Variants in CDH8 observed in about 807,000 individuals in gnomAD.
CDH8 encodes cadherin 8.
Under a neutral mutation model 68.1 loss-of-function variants are expected in CDH8, and 17 were observed. The ratio of observed to expected loss-of-function variants is 0.25; its 90% CI spans 0.17 to 0.37. The LOEUF (loss-of-function observed/expected upper bound fraction) is 0.37, where lower values mean the gene tolerates loss of function less well. Ranked by LOEUF, CDH8 falls within the 10% of genes least tolerant of loss-of-function variation. The pLI, the probability that CDH8 is intolerant of heterozygous loss-of-function variation, is 1.00. For synonymous variants in CDH8, 372 were observed against 365.1 expected, an observed-to-expected ratio of 1.02 and a Z score of -0.21; for missense variants, 763 against 999.3, an observed-to-expected ratio of 0.76 and a Z score of 3.19.
intron 3 of CDH8, among the ~76,000 whole-genome samples, chr16:61,857,596 C>T (rs1395485788): frequency 2.6e-5 from 4 of 152,102 alleles, no homozygotes; most frequent in African/African-American, 7.2e-5. Flanking sequence ...TACCATGTCA[C>T]ATTTACGTCT....
chr16:61,892,404 C>G (rs1178742119), intron 3 of CDH8, among the ~76,000 whole-genome samples: 2 of 152,042 alleles, frequency 1.3e-5, no homozygotes, highest in African/African-American at 4.8e-5. Context: ...ATGTCTAAAT[C>G]TCCCAAAGAG....
At chr16:61,816,096 C>T (rs564718880) in intron 7 of CDH8, among the ~76,000 whole-genome samples, 94 of 151,988 alleles carry the variant, frequency 6.2e-4, no homozygotes, top group Non-Finnish European at 1.0e-3. Flanking sequence ...GGCCAATGGA[C>T]CATTTCTCAA....
At chr16:61,669,421 T>C (rs944227936) in intron 10 of CDH8, among the ~76,000 whole-genome samples, 1 of 152,080 alleles carries the variant, frequency 6.6e-6, no homozygotes, top group Non-Finnish European at 1.5e-5. Flanking sequence ...GTAAGATCTT[T>C]GGATGCAGAA....
chr16:61,714,656 A>G (rs747395273), intron 9 of CDH8, among the ~76,000 whole-genome samples: 2 of 151,642 alleles, frequency 1.3e-5, no homozygotes, highest in African/African-American at 4.8e-5. Context: ...GTAAAGCTGC[A>G]TTAACTTAAT....
At chr16:62,019,028 T>C (rs903420156) in intron 2 of CDH8, among the ~76,000 whole-genome samples, 2 of 152,206 alleles carry the variant, frequency 1.3e-5, no homozygotes, top group African/African-American at 4.8e-5. Context: ...GCATAGCATG[T>C]TTTGTTATTT....
At chr16:61,763,342 C>T (rs746490274) in intron 8 of CDH8, among the ~76,000 whole-genome samples, 1 of 152,152 alleles carries the variant, frequency 6.6e-6, no homozygotes, top group Non-Finnish European at 1.5e-5. Flanking sequence ...ACTGTCTGAA[C>T]ACTAAGCTCA....
intron 10 of CDH8, among the ~76,000 whole-genome samples, chr16:61,664,724 C>A (rs973975659): frequency 6.6e-6 from 1 of 151,954 alleles, no homozygotes; most frequent in East Asian, 1.9e-4. Context: ...AAAAATCCAA[C>A]TTTTATTAAA....
At chr16:61,966,947 G>A (rs1475539995) in intron 2 of CDH8, among the ~76,000 whole-genome samples, 1 of 152,168 alleles carries the variant, frequency 6.6e-6, no homozygotes, top group Non-Finnish European at 1.5e-5. Flanking sequence ...GCTCACACCT[G>A]TAATCCCAAC....
chr16:61,829,068 C>T (rs550820660), intron 4 of CDH8, among the ~76,000 whole-genome samples: 101 of 151,874 alleles, frequency 6.7e-4, no homozygotes, highest in African/African-American at 2.3e-3. Context: ...TAATAGATTG[C>T]CCCAATTAAC....
intron 8 of CDH8, among the ~76,000 whole-genome samples, chr16:61,759,813 A>G (rs1368815271): frequency 3.3e-5 from 5 of 152,120 alleles, no homozygotes; most frequent in Non-Finnish European, 5.9e-5. Context: ...ATTATTTAAT[A>G]CTCCTCTCAT....
chr16:61,939,125 T>G, intron 2 of CDH8, among the ~76,000 whole-genome samples: 1 of 152,190 alleles, frequency 6.6e-6, no homozygotes, highest in East Asian at 1.9e-4. Flanking sequence ...ATTTGAGAAA[T>G]ACTTAATGCT....
At chr16:61,694,449 G>T (rs1431081827) in intron 10 of CDH8, among the ~76,000 whole-genome samples, 1 of 152,136 alleles carries the variant, frequency 6.6e-6, no homozygotes, top group Admixed American at 6.5e-5. Context: ...GGATGATGGA[G>T]TTTAGTCATA....
At chr16:61,762,822 C>T (rs897969751) in intron 8 of CDH8, among the ~76,000 whole-genome samples, 2 of 152,114 alleles carry the variant, frequency 1.3e-5, no homozygotes, top group South Asian at 2.1e-4. Context: ...TCAGCATCAC[C>T]TAGAGGCTTT....
At chr16:61,657,921 CT>C (rs1283384846) in intron 10 of CDH8, among the ~76,000 whole-genome samples, 19 of 152,228 alleles carry the variant, frequency 1.2e-4, no homozygotes, top group African/African-American at 4.6e-4. Flanking sequence ...ATTCATACTT[CT>C]ATAAATATTT....
At chr16:61,746,817 G>A (rs187720776) in intron 8 of CDH8, among the ~76,000 whole-genome samples, 168 of 152,070 alleles carry the variant, frequency 1.1e-3, no homozygotes, top group African/African-American at 3.7e-3. Flanking sequence ...TCTTGAGACC[G>A]CTTTTCCTCA....
At chr16:61,807,455 A>T (rs1023215966) in intron 7 of CDH8, among the ~76,000 whole-genome samples, 1 of 152,228 alleles carries the variant, frequency 6.6e-6, no homozygotes, top group African/African-American at 2.4e-5. Flanking sequence ...GTGCACATGT[A>T]CCCTAAAACT....
At chr16:61,921,071 A>G (rs1170626585) in intron 2 of CDH8, among the ~76,000 whole-genome samples, 133 of 130,728 alleles carry the variant, frequency 1.0e-3, no homozygotes, top group African/African-American at 3.6e-3. Flanking sequence ...ACATGGACAC[A>G]GGAAGGGGAA....
intron 8 of CDH8, among the ~76,000 whole-genome samples, chr16:61,788,760 G>A (rs1040917654): frequency 6.6e-6 from 1 of 151,722 alleles, no homozygotes; most frequent in African/African-American, 2.4e-5. Context: ...TAGCTCAAAT[G>A]TTTTCACAAA....
intron 4 of CDH8, among the ~76,000 whole-genome samples, chr16:61,853,947 C>T (rs970649593): frequency 1.1e-4 from 16 of 151,626 alleles, no homozygotes; most frequent in Admixed American, 7.9e-4. Context: ...TCTTCATATA[C>T]ATATATGTGT....
Sources: allele counts gnomAD v4.1 joint callset (sites outside exome capture counted in the v4.1 genomes callset), GRCh38; gene constraint gnomAD v4.1.1; transcripts MANE v1.5; gene names NCBI Gene and HGNC (gene_info 2026-07-23, HGNC 2026-07-21).